CAMK4: variants seen among roughly 807,000 people sequenced by gnomAD.
CAMK4 encodes calcium/calmodulin dependent protein kinase IV, also known as calcium/calmodulin-dependent protein kinase type IV.
A neutral mutation model predicts 44.9 loss-of-function variants in CAMK4; 22 were observed. That is an observed-to-expected ratio of 0.49 (90% CI 0.35 to 0.70). The LOEUF (loss-of-function observed/expected upper bound fraction) is 0.70, where lower values mean the gene tolerates loss of function less well. Ranked by LOEUF, CAMK4 falls within the 30% of genes least tolerant of loss-of-function variation. The pLI, the probability that CAMK4 is intolerant of heterozygous loss-of-function variation, is 0.01. For synonymous variants in CAMK4, 218 were observed against 215.4 expected, an observed-to-expected ratio of 1.01 and a Z score of -0.11; for missense variants, 498 against 586.8, an observed-to-expected ratio of 0.85 and a Z score of 1.56.
Position 111,494,393 on chromosome 5 carries a change from T to TTAAG in CAMK4, c.*9929_*9932dup, listed in dbSNP as rs1189996816. The TTAAG allele has an allele frequency of 2.6e-5, 4 of 152,304 alleles. No homozygotes were observed. The East Asian group carries it at 5.8e-4, about 22-fold the overall frequency. 9.4% of individuals were successfully genotyped at this position (152,304 alleles called of 1,614,324 possible). On this transcript the variant is annotated 3_prime_UTR_variant, in exon 11 of 11. Transcript: ENST00000282356. Reference sequence around the variant, plus strand: ...ATTACAATATTTTTAGGTAAATGTATTAAGTCTGGCCTGGGCATAAATGTA... The same window carrying TTAAG: ...ATTACAATATTTTTAGGTAAATGTATTAAGTAAGTCTGGCCTGGGCATAAATGTA...
intron 4 of CAMK4, among the ~76,000 whole-genome samples, chr5:111,384,348 G>A (rs533160630): frequency 9.9e-5 from 15 of 152,124 alleles, no homozygotes; most frequent in South Asian, 6.2e-4. Context: ...CTTTTCAGCC[G>A]TCTCCCTCTT....
At chr5:111,299,370 G>A (rs1747624744) in intron 1 of CAMK4, among the ~76,000 whole-genome samples, 1 of 152,056 alleles carries the variant, frequency 6.6e-6, no homozygotes, top group South Asian at 2.1e-4. Flanking sequence ...GAGAATAAAG[G>A]CATGTCGAAA....
chr5:111,265,757 A>T (rs1405171680), intron 1 of CAMK4: 1 of 152,240 alleles, frequency 6.6e-6, no homozygotes, highest in Non-Finnish European at 1.5e-5. Context: ...TAATAGAGGG[A>T]TCCAGAGAAG....
chr5:111,344,976 AATGT>A (rs750586211), intron 2 of CAMK4, among the ~76,000 whole-genome samples: 63 of 151,960 alleles, frequency 4.1e-4, no homozygotes, highest in African/African-American at 1.5e-3. Flanking sequence ...AAATATGTGA[AATGT>A]ATGTATATAT....
chr5:111,380,649 A>T (rs1322304032), intron 4 of CAMK4, among the ~76,000 whole-genome samples: 1 of 152,198 alleles, frequency 6.6e-6, no homozygotes, highest in Non-Finnish European at 1.5e-5. Flanking sequence ...TTTGCTAAGG[A>T]TAATGGCCTC....
chr5:111,440,012 A>G (rs1011754564), intron 5 of CAMK4, among the ~76,000 whole-genome samples: 8 of 152,240 alleles, frequency 5.3e-5, no homozygotes, highest in African/African-American at 1.9e-4. Flanking sequence ...CATTTTCAGG[A>G]AATTGGCTGA....
At chr5:111,356,861 T>C (rs1750379946) in intron 2 of CAMK4, among the ~76,000 whole-genome samples, 1 of 152,076 alleles carries the variant, frequency 6.6e-6, no homozygotes, top group Non-Finnish European at 1.5e-5. Flanking sequence ...CTTCTCATTA[T>C]ATCAATCTCG....
rs1292636531 is a variant in CAMK4, at chr5:111,424,224, T to G, written c.460-22462T>G. The stretch of plus-strand genomic sequence containing the variant: ...AGATGCATCCATTTTAAAAGTCACA[T>G]AGCAGGAAAAAAAGTCATACACCTT... On this transcript the variant is annotated intron_variant, in intron 5 of 10. Coordinates refer to ENST00000282356, the MANE Select transcript of CAMK4 (RefSeq NM_001744.6). Among the ~76,000 whole-genome samples, 4 of 152,246 alleles carry G rather than the reference T, an allele frequency of 2.6e-5. No individual in the cohort carries two copies. In the South Asian group the frequency reaches 8.3e-4, roughly 32 times the overall value.
intron 2 of CAMK4, among the ~76,000 whole-genome samples, chr5:111,367,318 C>T (rs1750828866): frequency 6.6e-6 from 1 of 151,676 alleles, no homozygotes; most frequent in African/African-American, 2.4e-5. Context: ...ATCTCACTCC[C>T]AGGATGACGG....
intron 7 of CAMK4, among the ~76,000 whole-genome samples, chr5:111,450,990 C>T (rs1580770822): frequency 6.6e-6 from 1 of 152,094 alleles, no homozygotes; most frequent in African/African-American, 2.4e-5. Context: ...AAACTAACTC[C>T]TTTTAACAAC....
At chr5:111,324,588 T>C (rs1485401083) in intron 1 of CAMK4, among the ~76,000 whole-genome samples, 2 of 151,764 alleles carry the variant, frequency 1.3e-5, no homozygotes, top group Non-Finnish European at 2.9e-5. Flanking sequence ...AAGAGAAAAA[T>C]AGATTCACAA....
At chr5:111,257,624 G>T (rs1306871582) in intron 1 of CAMK4, among the ~76,000 whole-genome samples, 1 of 152,152 alleles carries the variant, frequency 6.6e-6, no homozygotes, top group Non-Finnish European at 1.5e-5. Flanking sequence ...AATACCATTA[G>T]ACTCAGAAAT....
intron 1 of CAMK4, among the ~76,000 whole-genome samples, chr5:111,311,559 C>CCATG (rs1426590643): frequency 1.3e-4 from 20 of 152,284 alleles, no homozygotes; most frequent in Admixed American, 1.2e-3. Context: ...ACCTCCACAG[C>CCATG]CATGTAGGGG....
intron 1 of CAMK4, among the ~76,000 whole-genome samples, chr5:111,259,832 A>G (rs1280765627): frequency 6.6e-6 from 1 of 152,194 alleles, no homozygotes; most frequent in African/African-American, 2.4e-5. Flanking sequence ...GGATTTTTAT[A>G]GATCATTAAC....
At chr5:111,317,516 C>G (rs1330258524) in intron 1 of CAMK4, among the ~76,000 whole-genome samples, 2 of 152,058 alleles carry the variant, frequency 1.3e-5, no homozygotes, top group Admixed American at 6.6e-5. Context: ...AATAAAGTGC[C>G]TCAGCCAATA....
At chr5:111,281,081 A>G (rs1051476589) in intron 1 of CAMK4, among the ~76,000 whole-genome samples, 1 of 152,192 alleles carries the variant, frequency 6.6e-6, no homozygotes, top group Non-Finnish European at 1.5e-5. Context: ...CAAGTTGTGG[A>G]AAGTTCTATT....
At position 111,290,614 on chromosome 5, in the gene CAMK4, A is replaced by C. The variant is rs1580537347; in HGVS notation, c.162-53410A>C. Among the ~76,000 whole-genome samples, 1 of 152,116 alleles carries C rather than the reference A, an allele frequency of 6.6e-6. No individual in the cohort carries two copies. The highest frequency in any genetic ancestry group is 1.9e-4 in the East Asian group (1 of 5,164). ...GCCAAGGGGAACGTTTTGTTCAGTG[A>C]CTCTTGAGCTGGGCACAGACAAGCA... On this transcript the variant is annotated intron_variant, in intron 1 of 10. Transcript: ENST00000282356. The surrounding 1 kb of genome is among the most constrained non-coding windows in gnomAD (Gnocchi z 4.5).
At chr5:111,398,999 C>G (rs1018783621) in intron 5 of CAMK4, among the ~76,000 whole-genome samples, 1 of 152,110 alleles carries the variant, frequency 6.6e-6, no homozygotes, top group African/African-American at 2.4e-5. Flanking sequence ...CACTCCATTC[C>G]CCTCACATTA....
chr5:111,310,757 A>G (rs1313271181), intron 1 of CAMK4, among the ~76,000 whole-genome samples: 3 of 152,188 alleles, frequency 2.0e-5, no homozygotes, highest in Non-Finnish European at 4.4e-5. Flanking sequence ...TATAAAAAGT[A>G]TATTGGCCTT....
Sources: allele counts gnomAD v4.1 joint callset (sites outside exome capture counted in the v4.1 genomes callset), GRCh38; gene constraint gnomAD v4.1.1; non-coding constraint Gnocchi (gnomAD v3.1); transcripts MANE v1.5; gene names NCBI Gene and HGNC (gene_info 2026-07-23, HGNC 2026-07-21).